Variants in RABGAP1 observed in about 807,000 individuals in gnomAD.
RABGAP1 encodes the protein rab GTPase-activating protein 1.
Under a neutral mutation model 137.6 loss-of-function variants are expected in RABGAP1, and 23 were observed. That is an observed-to-expected ratio of 0.17 (90% confidence interval 0.12 to 0.24). RABGAP1 has a LOEUF of 0.24. Among genes scored for constraint, RABGAP1 ranks in the 10% least tolerant of loss-of-function variants. RABGAP1 has a pLI of 1.00. For synonymous variants in RABGAP1, 451 were observed against 450.7 expected, an observed-to-expected ratio of 1.00 and a Z score of -0.01; for missense variants, 906 against 1,275.8, an observed-to-expected ratio of 0.71 and a Z score of 4.42.
intron 11 of RABGAP1, among the ~76,000 whole-genome samples, chr9:123,014,418 G>A (rs566608795): frequency 2.4e-4 from 36 of 152,218 alleles, no homozygotes; most frequent in Non-Finnish European, 4.6e-4. Context: ...ACATAAAAGA[G>A]CAGAGAAAAA....
chr9:123,029,964 C>G (rs1588297625), intron 13 of RABGAP1, among the ~76,000 whole-genome samples: 1 of 152,170 alleles, frequency 6.6e-6, no homozygotes, highest in South Asian at 2.1e-4. Context: ...TTGAACAGGT[C>G]TTTTCCTTTT....
At chr9:123,056,554 A>G (rs996165175) in intron 13 of RABGAP1, among the ~76,000 whole-genome samples, 5 of 148,526 alleles carry the variant, frequency 3.4e-5, no homozygotes, top group Admixed American at 6.7e-5. Context: ...GTCATGGGAC[A>G]ATAGTGGAGG....
chr9:123,014,133 TA>T (rs1254608383), intron 11 of RABGAP1, among the ~76,000 whole-genome samples: 1 of 152,218 alleles, frequency 6.6e-6, no homozygotes, highest in Non-Finnish European at 1.5e-5. Context: ...AGCAAAAAGT[TA>T]AAAACTCTCT....
chr9:123,057,116 A>C (rs1588348309), intron 13 of RABGAP1, among the ~76,000 whole-genome samples: 4 of 138,112 alleles, frequency 2.9e-5, no homozygotes, highest in South Asian at 2.4e-4. Flanking sequence ...TGACCCCCCC[A>C]CCTCCCTCCC....
intron 2 of RABGAP1, among the ~76,000 whole-genome samples, chr9:122,965,895 G>A (rs898793420): frequency 6.6e-5 from 10 of 152,162 alleles, no homozygotes; most frequent in African/African-American, 2.2e-4. Context: ...GGGTAAATGT[G>A]CTCTGATTCA....
At chr9:122,939,774 C>A (rs1351669991), upstream of RABGAP1, 1 of 152,052 alleles carries the variant, frequency 6.6e-6, no homozygotes, top group Non-Finnish European at 1.5e-5. Context: ...AGAAAGGAAG[C>A]GAAACTATTT....
chr9:122,946,074 C>A (rs984840701), intron 1 of RABGAP1: 5 of 152,054 alleles, frequency 3.3e-5, no homozygotes, highest in African/African-American at 1.2e-4. Context: ...ATCGAGATAA[C>A]TCACTGTCTT....
At chr9:123,043,900 CTT>C (rs1186243080) in intron 13 of RABGAP1, among the ~76,000 whole-genome samples, 11 of 129,398 alleles carry the variant, frequency 8.5e-5, no homozygotes, top group Admixed American at 7.7e-5. Flanking sequence ...GTATTATTTT[CTT>C]TTTTTTTTTT....
the RABGAP1 span, among the ~76,000 whole-genome samples, chr9:122,932,130 C>CAT: frequency 2.6e-5 from 4 of 152,174 alleles, no homozygotes; most frequent in African/African-American, 9.7e-5. Flanking sequence ...CATCTCATCT[C>CAT]CTATCCAGAC....
At chr9:123,024,060 AT>A (rs1238126515) in intron 13 of RABGAP1, among the ~76,000 whole-genome samples, 4 of 152,188 alleles carry the variant, frequency 2.6e-5, no homozygotes, top group African/African-American at 9.7e-5. Flanking sequence ...TCAATATACC[AT>A]TTTAACCCAA....
chr9:123,021,059 T>A (rs2031596091), intron 13 of RABGAP1: 1 of 257,162 alleles, frequency 3.9e-6, no homozygotes, highest in East Asian at 1.8e-4. Context: ...TGCCTTTGTG[T>A]TCATGTTTTC....
At chr9:123,026,439 T>G (rs2031974709) in intron 13 of RABGAP1, among the ~76,000 whole-genome samples, 1 of 152,232 alleles carries the variant, frequency 6.6e-6, no homozygotes, top group Non-Finnish European at 1.5e-5. Context: ...TTTCTTTAAT[T>G]TGTTAATGGA....
intron 10 of RABGAP1, among the ~76,000 whole-genome samples, chr9:123,000,674 CT>C (rs920180721): frequency 3.0e-4 from 45 of 149,178 alleles, no homozygotes; most frequent in African/African-American, 7.9e-4. Flanking sequence ...TAGCAATAGC[CT>C]TTTTTTTTTC....
At chr9:123,048,910 C>T (rs1198187725) in intron 13 of RABGAP1, among the ~76,000 whole-genome samples, 1 of 152,130 alleles carries the variant, frequency 6.6e-6, no homozygotes, top group Non-Finnish European at 1.5e-5. Flanking sequence ...GATTTGGGAC[C>T]GTTTTGCCAA....
chr9:122,986,525 T>C (rs1836379739), intron 4 of RABGAP1, 106 bp downstream of exon 4: 3 of 1,214,604 alleles, frequency 2.5e-6, no homozygotes, highest in Non-Finnish European at 3.5e-6. Flanking sequence ...GTTATTTTAC[T>C]TGTGTAACGT....
intron 13 of RABGAP1, among the ~76,000 whole-genome samples, chr9:123,051,226 T>TGTTTTG (rs2033449680): frequency 3.6e-5 from 2 of 55,524 alleles, no homozygotes; most frequent in Non-Finnish European, 7.0e-5. Flanking sequence ...GTTTTTTTTT[T>TGTTTTG]TTTTTTTTTT....
intron 2 of RABGAP1, among the ~76,000 whole-genome samples, chr9:122,959,557 C>G (rs1413649607): frequency 6.6e-6 from 1 of 152,060 alleles, no homozygotes; most frequent in Non-Finnish European, 1.5e-5. Context: ...AAAGGAAATA[C>G]AGCAAATGAA....
At chr9:122,996,881 A>G (rs1588237955) in intron 8 of RABGAP1, 1 of 441,344 alleles carries the variant, frequency 2.3e-6, no homozygotes, top group East Asian at 4.3e-5. Flanking sequence ...GAGAAAATTT[A>G]TTAAAGAATG....
In RABGAP1 at chr9:123,003,491, A is replaced by G. The variant is rs979345087; in HGVS notation, c.1374+4725A>G. Among the ~76,000 whole-genome samples the G allele has an allele frequency of 2.6e-5, 4 of 152,362 alleles. No homozygotes were observed. The East Asian group carries it at 7.7e-4, about 29-fold the overall frequency. ...CATTTTCCGTTCTCCTTAGACTGAA[A>G]AGGAAACAATGCTACAAAGCAAATT... On this transcript the variant is annotated intron_variant, in intron 10 of 25. Transcript: ENST00000373647.
Sources: allele counts gnomAD v4.1 joint callset (sites outside exome capture counted in the v4.1 genomes callset), GRCh38; gene constraint gnomAD v4.1.1; transcripts MANE v1.5; gene names NCBI Gene and HGNC (gene_info 2026-07-23, HGNC 2026-07-21).